The following PCBP4 variants were observed in gnomAD, a reference collection of about 807,000 sequenced individuals.
The protein encoded by PCBP4 is poly(rC) binding protein 4.
A neutral mutation model predicts 46.2 loss-of-function variants in PCBP4; 24 were observed. That is an observed-to-expected ratio of 0.52 (90% CI 0.38 to 0.73). The LOEUF (loss-of-function observed/expected upper bound fraction) is 0.73. Among genes scored for constraint, PCBP4 ranks in the 30% least tolerant of loss-of-function variants. The probability of loss-of-function intolerance (pLI) is 0.00; values close to 1 mark genes in which losing one functional copy is unlikely to be tolerated. For missense variants in PCBP4, 407 were observed against 537.0 expected (o/e 0.76, Z 2.39); for synonymous variants, 203 against 224.4 (o/e 0.90, Z 0.85).
intron 2 of PCBP4, chr3:51,961,642 A>C: frequency 2.1e-6 from 1 of 467,798 alleles, no homozygotes; most frequent in Non-Finnish European, 2.9e-6. Flanking sequence ...GAAATAATTA[A>C]CTAGGAAGCC....
At chr3:51,965,553 T>C (rs562507322) in intron 1 of PCBP4, among the ~76,000 whole-genome samples, 1 of 152,258 alleles carries the variant, frequency 6.6e-6, no homozygotes, top group South Asian at 2.1e-4. Flanking sequence ...GTCTTTCCAC[T>C]ATACACAGAG....
Position 51,958,201 on chromosome 3 carries a change from T to C in PCBP4, c.1072A>G (p.Ile358Val), listed in dbSNP as rs1164683099. The change falls in exon 14 of 14, where the codon ATC (isoleucine) becomes GTC (valine). Residue 358 changes from isoleucine (I) to valine (V), a missense_variant. Transcript: ENST00000461554. This position sits in a 1 kb window ranked among gnomAD's most constrained non-coding sequence, Gnocchi z 5.4. ...TPYAISLSNF[I>V]GLKPMPFLAL... ...AAGAAGGGCATGGGCTTGAGGCCGATGAAGTTGGAGAGGGAGATGGCATAG... is the reference window on the plus strand; with the variant it reads ...AAGAAGGGCATGGGCTTGAGGCCGACGAAGTTGGAGAGGGAGATGGCATAG... The C allele has an allele frequency of 6.2e-7, 1 of 1,612,768 alleles. No homozygotes were observed.
chr3:51,966,122 C>T (rs1416346445), intron 1 of PCBP4, among the ~76,000 whole-genome samples: 1 of 152,222 alleles, frequency 6.6e-6, no homozygotes, highest in African/African-American at 2.4e-5. Context: ...ATGTCAGCGC[C>T]ACTGGGCAAT....
rs919449518 is a variant in PCBP4 at position 51,960,269 on chromosome 3, T to C, written c.307A>G (p.Thr103Ala). The C allele has an allele frequency of 1.9e-6, 3 of 1,613,800 alleles. No homozygotes were observed. The highest frequency in any genetic ancestry group is 2.7e-5 in the African/African-American group (2 of 74,920). The stretch of plus-strand genomic sequence containing the variant: ...CTGGCAGGGATGACAAGGCGCAGGG[T>C]CACTGGAGGCCTGGAGACATTTCCA... ...NGGNVSRPPVTLRLVIPASQC... is the reference protein window; with the variant it reads ...NGGNVSRPPVALRLVIPASQC... Residue 103 changes from threonine to alanine, a missense_variant, in exon 7 of 14, where the codon ACC becomes GCC. Thr to Ala is a moderately conservative substitution (Grantham distance 58). Coordinates refer to ENST00000461554, the MANE Select transcript of PCBP4 (RefSeq NM_001174100.2). This position sits in a 1 kb window ranked among gnomAD's most constrained non-coding sequence, Gnocchi z 5.0.
intron 1 of PCBP4, chr3:51,962,796 C>A (rs1264879533): frequency 6.6e-6 from 1 of 152,238 alleles, no homozygotes; most frequent in African/African-American, 2.4e-5. Flanking sequence ...GGCATAAGGT[C>A]TTTGTTTCCT....
At position 51,958,879 on chromosome 3, in the gene PCBP4, C is replaced by A. The variant is rs749050888; in HGVS notation, c.834G>T (p.Gly278=). The change falls in exon 13 of 14, where the codon GGG becomes GGT. Residue 278 remains glycine, a synonymous_variant. Transcript: ENST00000461554. The surrounding 1 kb of genome is among the most constrained non-coding windows in gnomAD (Gnocchi z 5.4). ...RQMSGAHIKI[G]NQAEGAGERH... Reference sequence around the variant, plus strand: ...GCTCCCCAGCGCCCTCTGCTTGGTTCCCGATCTTGATATGTGCCCCTGACA... The same window carrying A: ...GCTCCCCAGCGCCCTCTGCTTGGTTACCGATCTTGATATGTGCCCCTGACA... The A allele has an allele frequency of 1.9e-6, 3 of 1,613,836 alleles. No individual in the cohort carries two copies. Among genetic ancestry groups the A allele is most frequent in the African/African-American group, 1.3e-5 (1 of 74,862 alleles).
rs1700152518 is a variant in PCBP4, at chr3:51,961,140, G to C, written c.81+20C>G. The C allele has an allele frequency of 4.3e-6, 7 of 1,613,628 alleles. No homozygotes were observed. The Middle Eastern group carries it at 6.6e-4, about 152-fold the overall frequency. On this transcript the variant is annotated intron_variant, in intron 3 of 13. Transcript: ENST00000461554. ...GCCCAGCCCAGCCTTGCCTCGCCTG[G>C]CCCTCCACCTCCCGCTCACCTTCCC...
At position 51,960,967 on chromosome 3, in the gene PCBP4, C is replaced by G. The variant is rs1700139427; in HGVS notation, c.105+43G>C. On this transcript the variant is annotated intron_variant, in intron 4 of 13. Transcript: ENST00000461554. The surrounding 1 kb of genome is among the most constrained non-coding windows in gnomAD (Gnocchi z 5.0). Reference sequence around the variant, plus strand: ...CACAGCCTCCTTCCCTGGGCTGAAGCCTCAGCTGGAGGGGGATGTACAGAG... The same window carrying G: ...CACAGCCTCCTTCCCTGGGCTGAAGGCTCAGCTGGAGGGGGATGTACAGAG... The G allele has an allele frequency of 1.2e-6, 2 of 1,614,230 alleles. No individual in the cohort carries two copies. The highest frequency in any genetic ancestry group is 1.1e-5 in the South Asian group (1 of 91,092).
In PCBP4 at chr3:51,960,662, G is replaced by A. The variant is rs775990120; in HGVS notation, c.139-20C>T. On this transcript the variant is annotated intron_variant, in intron 5 of 13. Coordinates refer to ENST00000461554, the MANE Select transcript of PCBP4 (RefSeq NM_001174100.2). The surrounding 1 kb of genome is among the most constrained non-coding windows in gnomAD (Gnocchi z 5.0). ...ACTGCTCTGCAGATATAGAATGAGC[G>A]CCGGGCAGCGGGGCATCTTCCCTGC... 4.2e-5 allele frequency: 66 copies of A among 1,587,086 alleles called. No homozygotes were observed. Among genetic ancestry groups the A allele is most frequent in the Middle Eastern group, 1.7e-4 (1 of 6,044 alleles).
At chr3:51,963,129 A>G (rs1700259964) in intron 1 of PCBP4, 1 of 152,250 alleles carries the variant, frequency 6.6e-6, no homozygotes, top group Admixed American at 6.5e-5. Context: ...GCCAGGCCAG[A>G]GAAGGTGCTC....
chr3:51,959,959 G>T lies in PCBP4; in HGVS notation c.452C>A (p.Thr151Lys), dbSNP rs142190169. 1 of 1,613,318 alleles carries T rather than the reference G, an allele frequency of 6.2e-7. No homozygotes were observed. The highest frequency in any genetic ancestry group is 2.2e-5 in the East Asian group (1 of 44,860). Residue 151 changes from threonine (T) to lysine (K), a missense_variant, in exon 8 of 14, where the codon ACG (threonine) becomes AAG (lysine). Thr to Lys is a moderately conservative substitution (Grantham distance 78). Coordinates refer to ENST00000461554, the MANE Select transcript of PCBP4 (RefSeq NM_001174100.2). The surrounding 1 kb of genome is among the most constrained non-coding windows in gnomAD (Gnocchi z 5.6). ...GATGGCATCAGGCACCCCAGATACC[G>T]TAACAGCTCGCTCTGTGGAGTTGGG... is the stretch of plus-strand genomic sequence containing the variant. ...LLPNSTERAV[T>K]VSGVPDAIIL... is the part of the protein sequence containing the mutation.
In PCBP4 at chr3:51,959,819, A is replaced by G; in HGVS notation, c.516+76T>C. 6 of 1,547,252 alleles carry G rather than the reference A, an allele frequency of 3.9e-6. No homozygotes were observed. Among genetic ancestry groups the G allele is most frequent in the Non-Finnish European group, 5.2e-6 (6 of 1,146,510 alleles). On this transcript the variant is annotated intron_variant, in intron 8 of 13. Transcript: ENST00000461554. The surrounding 1 kb of genome is among the most constrained non-coding windows in gnomAD (Gnocchi z 5.6). ...GCCCTGCCCCACCTGCAGCACAGGC[A>G]TAGGGTTTGGGGTCCCCGACAAGGC...
intron 2 of PCBP4, 98 bp downstream of exon 2, chr3:51,961,843 G>A (rs1042992086): frequency 2.5e-6 from 2 of 792,806 alleles, no homozygotes; most frequent in Admixed American, 6.1e-5. Flanking sequence ...GGGAAGCCTT[G>A]AAGGCAGGGA....
chr3:51,957,868 C>A lies in PCBP4; in HGVS notation c.*193G>T. On this transcript the variant is annotated 3_prime_UTR_variant, in exon 14 of 14. Coordinates refer to ENST00000461554, the MANE Select transcript of PCBP4 (RefSeq NM_001174100.2). ...TGCCCTGGGGCTGCCGCAGCTCAGA[C>A]CCCTGGGCCAGAAACTGCCCCCACT... 1.9e-6 allele frequency: 1 copy of A among 514,348 alleles called. No homozygotes were observed. The highest frequency in any genetic ancestry group is 3.3e-6 in the Non-Finnish European group (1 of 298,710). 31.9% of individuals were successfully genotyped at this position (514,348 alleles called of 1,614,324 possible). A position where few individuals can be genotyped will look rare whatever the true frequency, so the allele number is the denominator to read the frequency against.
chr3:51,961,357 C>G, intron 2 of PCBP4, 53 bp from the exon 3 acceptor site: 1 of 1,479,958 alleles, frequency 6.8e-7, no homozygotes, highest in Non-Finnish European at 9.0e-7. Context: ...CACCCTGCCC[C>G]TGCCCTTACA....
rs531009008 is a variant in PCBP4, at chr3:51,961,038, G to A, written c.82-5C>T. ...CCCGATGATGCTGCCCACTTCCTGCGGACAAGACAAGAGCCGTCAGATGGG... is the reference window on the plus strand; with the variant it reads ...CCCGATGATGCTGCCCACTTCCTGCAGACAAGACAAGAGCCGTCAGATGGG... On this transcript the variant is annotated splice_polypyrimidine_tract_variant and splice_region_variant and intron_variant, in intron 3 of 13. Coordinates refer to ENST00000461554, the MANE Select transcript of PCBP4 (RefSeq NM_001174100.2). The A allele has an allele frequency of 1.0e-4, 162 of 1,614,086 alleles. 2 individuals carry two copies. The South Asian group carries it at 1.1e-3, about 11-fold the overall frequency.
chr3:51,958,364 A>C lies in PCBP4; in HGVS notation c.924-15T>G. 1 of 1,465,380 alleles carries C rather than the reference A, an allele frequency of 6.8e-7. No homozygotes were observed. Among genetic ancestry groups the C allele is most frequent in the Non-Finnish European group, 9.0e-7 (1 of 1,108,164 alleles). 90.8% of individuals were successfully genotyped at this position (1,465,380 alleles called of 1,614,324 possible). On this transcript the variant is annotated splice_polypyrimidine_tract_variant and intron_variant, in intron 13 of 13. Coordinates refer to ENST00000461554, the MANE Select transcript of PCBP4 (RefSeq NM_001174100.2). The surrounding 1 kb of genome is among the most constrained non-coding windows in gnomAD (Gnocchi z 5.4). Reference sequence around the variant, plus strand: ...CCGTCTCTAGACTGGAGAGAGGGATATAGAGGGGAGACAAAGGGGAAAGTG... The same window carrying C: ...CCGTCTCTAGACTGGAGAGAGGGATCTAGAGGGGAGACAAAGGGGAAAGTG...
At chr3:51,964,679 T>C (rs1700334209) in intron 1 of PCBP4, among the ~76,000 whole-genome samples, 1 of 152,212 alleles carries the variant, frequency 6.6e-6, no homozygotes, top group Non-Finnish European at 1.5e-5. Flanking sequence ...ACAGCACGTC[T>C]GCATCGAGGG....
At chr3:51,964,419 C>T (rs753865579) in intron 1 of PCBP4, among the ~76,000 whole-genome samples, 4 of 152,184 alleles carry the variant, frequency 2.6e-5, no homozygotes, top group Admixed American at 6.5e-5. Context: ...TAGACTGGCC[C>T]GCCCCTTGGG....
Sources: allele counts gnomAD v4.1 joint callset (sites outside exome capture counted in the v4.1 genomes callset), GRCh38; gene constraint gnomAD v4.1.1; non-coding constraint Gnocchi (gnomAD v3.1); transcripts MANE v1.5; gene names NCBI Gene and HGNC (gene_info 2026-07-23, HGNC 2026-07-21).